Variants in SKIC3 observed in about 807,000 individuals in gnomAD.
SKIC3 encodes the protein SKI3 subunit of superkiller complex.
At chr5:95,537,226 C>T in the SKIC3 span, 17 of 1,153,862 alleles carry the variant, frequency 1.5e-5, no homozygotes, top group African/African-American at 1.1e-4. Flanking sequence ...ACAAACTACA[C>T]GTTCAATTAA....
the SKIC3 span, among the ~76,000 whole-genome samples, chr5:95,489,282 A>C: frequency 6.6e-6 from 1 of 152,136 alleles, no homozygotes; most frequent in Non-Finnish European, 1.5e-5. Context: ...CTTAAAAAAA[A>C]AAACAACTAA....
At chr5:95,477,314 A>C in the SKIC3 span, among the ~76,000 whole-genome samples, 1 of 152,308 alleles carries the variant, frequency 6.6e-6, no homozygotes, top group South Asian at 2.1e-4. Context: ...CCCTGACATA[A>C]GAATCTCTTA....
the SKIC3 span, among the ~76,000 whole-genome samples, chr5:95,546,352 C>CAAAAAAAAAAAA: frequency 7.3e-6 from 1 of 136,520 alleles, no homozygotes; most frequent in Non-Finnish European, 1.6e-5. Flanking sequence ...AAAAAAAAAA[C>CAAAAAAAAAAAA]AAAAAAAAAA....
the SKIC3 span, chr5:95,523,388 T>G: frequency 1.3e-6 from 2 of 1,510,492 alleles, no homozygotes; most frequent in African/African-American, 2.8e-5. Flanking sequence ...AGAACGCTCA[T>G]GTAAAGTACA....
chr5:95,511,149 G>A, the SKIC3 span, among the ~76,000 whole-genome samples: 1 of 152,270 alleles, frequency 6.6e-6, no homozygotes, highest in African/African-American at 2.4e-5. Context: ...AGTGGCTCAC[G>A]CCTGTAATCC....
the SKIC3 span, chr5:95,497,349 A>G: frequency 7.5e-7 from 1 of 1,333,504 alleles, no homozygotes; most frequent in South Asian, 1.2e-5. Flanking sequence ...CCATAGTTTA[A>G]AATTATCATA....
At chr5:95,475,521 C>A in the SKIC3 span, among the ~76,000 whole-genome samples, 1 of 152,146 alleles carries the variant, frequency 6.6e-6, no homozygotes, top group African/African-American at 2.4e-5. Context: ...GAGGTCTCCC[C>A]AGAAGCAGAA....
chr5:95,512,638 A>C, the SKIC3 span: 1 of 1,613,614 alleles, frequency 6.2e-7, no homozygotes, highest in African/African-American at 1.3e-5. Context: ...AGCCAACGTT[A>C]AGCAGACATA....
chr5:95,519,137 G>A, the SKIC3 span, among the ~76,000 whole-genome samples: 12 of 150,616 alleles, frequency 8.0e-5, no homozygotes, highest in African/African-American at 2.2e-4. Context: ...TACATTTACC[G>A]AAACAAGAGC....
At chr5:95,487,797 T>G in the SKIC3 span, among the ~76,000 whole-genome samples, 1 of 151,950 alleles carries the variant, frequency 6.6e-6, no homozygotes, top group Non-Finnish European at 1.5e-5. Flanking sequence ...ATATGACACT[T>G]CCAAAGGAAC....
chr5:95,489,870 T>C, the SKIC3 span, among the ~76,000 whole-genome samples: 1 of 152,186 alleles, frequency 6.6e-6, no homozygotes, highest in African/African-American at 2.4e-5. Context: ...AATTACCACT[T>C]AATAAATTCA....
At chr5:95,523,253 C>T in the SKIC3 span, 13 of 1,613,772 alleles carry the variant, frequency 8.1e-6, no homozygotes, top group Non-Finnish European at 1.1e-5. Context: ...TAGTCCTCGC[C>T]TAAGCCAGGC....
At chr5:95,507,890 A>G in the SKIC3 span, among the ~76,000 whole-genome samples, 34,199 of 151,438 alleles carry the variant, frequency 0.23, 4,946 homozygotes, top group African/African-American at 0.41. Context: ...GGTGTAACCA[A>G]TGTTAGATTC....
chr5:95,509,543 A>G, the SKIC3 span: 12 of 1,354,654 alleles, frequency 8.9e-6, no homozygotes, highest in Admixed American at 1.9e-4. Flanking sequence ...TTCTCCAGGA[A>G]CCCTTCCCCT....
chr5:95,465,789 A>T, the SKIC3 span, among the ~76,000 whole-genome samples: 3 of 152,178 alleles, frequency 2.0e-5, no homozygotes, highest in South Asian at 6.2e-4. Flanking sequence ...TTTATAATGG[A>T]CAGGAATATC....
chr5:95,535,342 G>C, the SKIC3 span, among the ~76,000 whole-genome samples: 1 of 118,876 alleles, frequency 8.4e-6, no homozygotes, highest in Non-Finnish European at 1.6e-5. Context: ...GAGGAGTCTC[G>C]CTCTTTCGCC....
At chr5:95,468,084 T>A in the SKIC3 span, 2 of 1,510,476 alleles carry the variant, frequency 1.3e-6, no homozygotes, top group South Asian at 2.4e-5. Flanking sequence ...TTTCTCATAT[T>A]TTTGCAGATG....
the SKIC3 span, chr5:95,517,296 G>A: frequency 6.2e-7 from 1 of 1,613,156 alleles, no homozygotes; most frequent in African/African-American, 1.3e-5. Flanking sequence ...CCAGAGGCAG[G>A]ACACATCAGC....
At chr5:95,498,202 A>C in the SKIC3 span, among the ~76,000 whole-genome samples, 1 of 152,202 alleles carries the variant, frequency 6.6e-6, no homozygotes, top group African/African-American at 2.4e-5. Context: ...TTATAGGTAA[A>C]ATAATATATA....
Sources: allele counts gnomAD v4.1 joint callset (sites outside exome capture counted in the v4.1 genomes callset), GRCh38; gene constraint gnomAD v4.1.1; transcripts MANE v1.5; gene names NCBI Gene and HGNC (gene_info 2026-07-23, HGNC 2026-07-21).